The following UNC13A variants were observed in gnomAD, a reference collection of about 807,000 sequenced individuals.
UNC13A encodes unc-13 homolog A.
A neutral mutation model predicts 219.7 loss-of-function variants in UNC13A; 61 were observed. The ratio of observed to expected loss-of-function variants is 0.28; its 90% CI spans 0.23 to 0.34. The LOEUF (loss-of-function observed/expected upper bound fraction) is 0.34. UNC13A is among the 10% of genes least tolerant of loss of function. UNC13A has a pLI of 1.00. For missense variants in UNC13A, 1,476 were observed against 2,270.3 expected (o/e 0.65, Z 7.11); for synonymous variants, 920 against 884.6 (o/e 1.04, Z -0.71).
At chr19:17,634,636 G>A (rs1599357818) in intron 26 of UNC13A, among the ~76,000 whole-genome samples, 4 of 151,706 alleles carry the variant, frequency 2.6e-5, no homozygotes, top group Non-Finnish European at 5.9e-5. Flanking sequence ...TGCCACACCT[G>A]GCCCATCCGT....
intron 31 of UNC13A, 114 bp from the exon 32 acceptor site, chr19:17,628,054 G>C (rs931997534): frequency 2.2e-6 from 2 of 899,492 alleles, no homozygotes; most frequent in South Asian, 2.9e-5. Context: ...GAGGAAGCTG[G>C]GGTCCCATGG....
intron 1 of UNC13A, 44 bp downstream of exon 1, chr19:17,688,134 C>T (rs549387725): frequency 3.3e-6 from 5 of 1,520,802 alleles, no homozygotes; most frequent in Non-Finnish European, 4.4e-6. Flanking sequence ...CCGACCCCAG[C>T]CCGCGTCCAC....
chr19:17,644,211 CAG>C (rs2076999772), intron 19 of UNC13A, among the ~76,000 whole-genome samples: 1 of 152,110 alleles, frequency 6.6e-6, no homozygotes, highest in South Asian at 2.1e-4. Context: ...CGGGGGGACA[CAG>C]AGTCTTGCTC....
chr19:17,637,201 C>G (rs1324688168), intron 25 of UNC13A, among the ~76,000 whole-genome samples: 2 of 152,090 alleles, frequency 1.3e-5, no homozygotes, highest in African/African-American at 4.8e-5. Flanking sequence ...TCTCGAGCTC[C>G]TGGCCTCAAG....
chr19:17,645,549 C>G (rs2077017251), intron 19 of UNC13A, 125 bp downstream of exon 19: 3 of 1,371,008 alleles, frequency 2.2e-6, no homozygotes, highest in African/African-American at 2.9e-5. Flanking sequence ...CTGCCTCCCC[C>G]ATCAGATTAT....
intron 11 of UNC13A, among the ~76,000 whole-genome samples, chr19:17,652,948 C>CT (rs555402170): frequency 3.3e-5 from 5 of 152,152 alleles, no homozygotes; most frequent in Non-Finnish European, 7.4e-5. Context: ...CCCCTATAGT[C>CT]TCACTTGTTC....
chr19:17,630,086 C>T, intron 30 of UNC13A, 59 bp downstream of exon 30: 1 of 1,525,678 alleles, frequency 6.6e-7, no homozygotes, highest in Non-Finnish European at 8.8e-7. Flanking sequence ...CCAACTCAGA[C>T]TTCAATTCCC....
intron 19 of UNC13A, among the ~76,000 whole-genome samples, chr19:17,644,447 C>A (rs1233476052): frequency 6.6e-6 from 1 of 151,668 alleles, no homozygotes; most frequent in Non-Finnish European, 1.5e-5. Flanking sequence ...GCTCAGCCAC[C>A]CAACCAATAT....
chr19:17,655,924 A>G lies in UNC13A; in HGVS notation c.1242T>C (p.Ala414=), dbSNP rs747716772. ...KPATPDKVPA[A]EQIPEAEPPK... ...GTGGCTCAGCCTCAGGGATCTGCTC[A>G]GCTGCAGGCACCTTGTCGGGCGTGG... The change falls in exon 10 of 44, where the codon GCT becomes GCC. Residue 414 remains alanine, a synonymous_variant. Coordinates refer to ENST00000519716, the MANE Select transcript of UNC13A (RefSeq NM_001080421.3). The G allele has an allele frequency of 6.5e-7, 1 of 1,536,272 alleles. No individual in the cohort carries two copies. The highest frequency in any genetic ancestry group is 1.3e-5 in the South Asian group (1 of 78,134).
chr19:17,641,584 G>A, intron 20 of UNC13A, 28 bp from the exon 21 acceptor site: 1 of 1,612,570 alleles, frequency 6.2e-7, no homozygotes. Flanking sequence ...AAAGTGTCAT[G>A]GAGAGTGCAA....
rs2076969939 is a variant in UNC13A at position 17,641,553 on chromosome 19, G to A, written c.2476C>T (p.Leu826=). Reference sequence around the variant, plus strand: ...TGCACGTCGGTCACGAAGTGGAACAGGTTCTGCCACCATGGGAGAGAAAGT... The same window carrying A: ...TGCACGTCGGTCACGAAGTGGAACAAGTTCTGCCACCATGGGAGAGAAAGT... ...HVQYTCLHEN[L]FHFVTDVQNN... Residue 826 remains leucine, a synonymous_variant, in exon 21 of 44, where the codon CTG becomes TTG. Coordinates refer to ENST00000519716, the MANE Select transcript of UNC13A (RefSeq NM_001080421.3). 1 of 1,613,848 alleles carries A rather than the reference G, an allele frequency of 6.2e-7. No individual in the cohort carries two copies.
intron 28 of UNC13A, among the ~76,000 whole-genome samples, chr19:17,631,222 T>TCTTCCTTCCTTC (rs1205753437): frequency 1.2e-4 from 4 of 32,332 alleles, no homozygotes; most frequent in Non-Finnish European, 2.1e-4. Context: ...CTTCCTTCCT[T>TCTTCCTTCCTTC]CTTCCTTCCT....
At chr19:17,633,795 A>G (rs1304004149) in intron 26 of UNC13A, among the ~76,000 whole-genome samples, 1 of 151,214 alleles carries the variant, frequency 6.6e-6, no homozygotes, top group African/African-American at 2.4e-5. Context: ...CCATCCACTC[A>G]ACCACCCATC....
intron 3 of UNC13A, among the ~76,000 whole-genome samples, chr19:17,673,287 G>A (rs920092541): frequency 6.7e-6 from 1 of 150,362 alleles, no homozygotes; most frequent in Non-Finnish European, 1.5e-5. Flanking sequence ...AACCCAGGAG[G>A]CGGAGGTTGC....
At chr19:17,662,172 G>A (rs952553443) in intron 8 of UNC13A, among the ~76,000 whole-genome samples, 4 of 151,982 alleles carry the variant, frequency 2.6e-5, no homozygotes, top group African/African-American at 9.7e-5. Context: ...GAACTCGGAG[G>A]CAGAGGTTGC....
At chr19:17,626,356 TTA>T (rs1473496515) in intron 34 of UNC13A, 3 of 383,158 alleles carry the variant, frequency 7.8e-6, no homozygotes, top group African/African-American at 6.1e-5. Context: ...TTCTAAACAT[TTA>T]TCTTTTAATC....
At position 17,621,859 on chromosome 19, in the gene UNC13A, C is replaced by T. The variant is rs1568505908; in HGVS notation, c.4215G>A (p.Leu1405=). 1.9e-6 allele frequency: 3 copies of T among 1,613,812 alleles called. No homozygotes were observed. Among genetic ancestry groups the T allele is most frequent in the Admixed American group, 1.7e-5 (1 of 59,994 alleles). Residue 1405 remains leucine, a synonymous_variant, in exon 37 of 44, where the codon TTG becomes TTA. Coordinates refer to ENST00000519716, the MANE Select transcript of UNC13A (RefSeq NM_001080421.3). ...LTDQTMIGNL[L]RKHGKGLEKG... ...TTTCTAATCCCTTGCCATGTTTTCT[C>T]AAGAGGTTCCCCTGCAGAGATAATG...
In UNC13A at chr19:17,606,028, C is replaced by A. The variant is rs1387941097; in HGVS notation, c.*26G>T. ...CCGCCCAGCGCCCTCCGCGCAGGCG[C>A]AGTGCCGCTCGGCCGACCGCCCGCG... On this transcript the variant is annotated 3_prime_UTR_variant, in exon 44 of 44. Coordinates refer to ENST00000519716, the MANE Select transcript of UNC13A (RefSeq NM_001080421.3). 5 of 1,449,720 alleles carry A rather than the reference C, an allele frequency of 3.4e-6. No individual in the cohort carries two copies. The highest frequency in any genetic ancestry group is 2.9e-5 in the East Asian group (1 of 34,844). 89.8% of individuals were successfully genotyped at this position (1,449,720 alleles called of 1,614,324 possible).
intron 3 of UNC13A, among the ~76,000 whole-genome samples, chr19:17,673,799 C>T (rs1776122636): frequency 6.6e-6 from 1 of 151,778 alleles, no homozygotes; most frequent in Non-Finnish European, 1.5e-5. Flanking sequence ...TCACCTGAGT[C>T]CAGGAGTTTG....
Sources: gnomAD v4.1 joint callset for allele counts (sites outside exome capture counted in the v4.1 genomes callset) on GRCh38, gnomAD v4.1.1 for gene constraint, MANE v1.5 for transcripts, NCBI Gene and HGNC (gene_info 2026-07-23, HGNC 2026-07-21) for gene names.